The following KCNJ6 variants were observed in gnomAD, a reference collection of about 807,000 sequenced individuals.
The protein encoded by KCNJ6 is potassium inwardly rectifying channel subfamily J member 6, also known as G protein-activated inward rectifier potassium channel 2.
KCNJ6 carries 9 observed loss-of-function variants against 34.2 expected under a neutral mutation model. The ratio of observed to expected loss-of-function variants is 0.26; its 90% CI spans 0.16 to 0.46. The LOEUF is 0.46. KCNJ6 is among the 20% of genes least tolerant of loss of function. KCNJ6 has a pLI of 1.00. For missense variants in KCNJ6, 236 were observed against 531.3 expected (o/e 0.44, Z 5.46); for synonymous variants, 196 against 207.1 (o/e 0.95, Z 0.46).
At chr21:37,655,231 GAGAGA>G (rs2054456733) in intron 3 of KCNJ6, among the ~76,000 whole-genome samples, 1 of 1,766 alleles carries the variant, frequency 5.7e-4, no homozygotes, top group African/African-American at 3.2e-3. Context: ...GTGTGAGAGA[GAGAGA>G]GAGAGAGAGA....
chr21:37,680,686 T>TTTGGAC (rs538837306), intron 3 of KCNJ6, among the ~76,000 whole-genome samples: 3 of 152,158 alleles, frequency 2.0e-5, no homozygotes, highest in African/African-American at 7.2e-5. Flanking sequence ...TTCTCTTCCT[T>TTTGGAC]TTGGACTTGG....
intron 2 of KCNJ6, among the ~76,000 whole-genome samples, chr21:37,744,296 AAAACTT>A (rs1490680185): frequency 1.3e-5 from 2 of 152,154 alleles, no homozygotes; most frequent in African/African-American, 2.4e-5. Context: ...CATGTACCCT[AAAACTT>A]AAAGTATAAT....
At chr21:37,729,940 A>G (rs2054875779) in intron 2 of KCNJ6, among the ~76,000 whole-genome samples, 1 of 152,160 alleles carries the variant, frequency 6.6e-6, no homozygotes, top group Admixed American at 6.5e-5. Flanking sequence ...GAACACATGA[A>G]GAAAGTGAGG....
At chr21:37,659,784 C>T (rs1389392973) in intron 3 of KCNJ6, among the ~76,000 whole-genome samples, 1 of 152,214 alleles carries the variant, frequency 6.6e-6, no homozygotes, top group Non-Finnish European at 1.5e-5. Context: ...CTTCAGGATT[C>T]AACCTTGTCC....
intron 1 of KCNJ6, among the ~76,000 whole-genome samples, chr21:37,882,127 C>A (rs1445360174): frequency 6.6e-6 from 1 of 152,220 alleles, no homozygotes; most frequent in Non-Finnish European, 1.5e-5. Context: ...CCCTCCACTT[C>A]TACAGTTTTA....
At chr21:37,781,569 T>C (rs894584904) in intron 2 of KCNJ6, among the ~76,000 whole-genome samples, 18 of 152,164 alleles carry the variant, frequency 1.2e-4, no homozygotes, top group African/African-American at 4.1e-4. Flanking sequence ...AACATGATGA[T>C]AGCAACATGC....
chr21:37,868,802 G>A (rs760671392), intron 1 of KCNJ6, among the ~76,000 whole-genome samples: 2 of 152,216 alleles, frequency 1.3e-5, no homozygotes, highest in African/African-American at 2.4e-5. Context: ...GGGGTTGGGT[G>A]GAGAGGGGAG....
intron 1 of KCNJ6, among the ~76,000 whole-genome samples, chr21:37,876,551 T>C (rs1467271886): frequency 6.6e-6 from 1 of 152,074 alleles, no homozygotes. Flanking sequence ...CCCAAAATAA[T>C]GATATCAGTG....
chr21:37,680,397 G>A (rs1053887009), intron 3 of KCNJ6, among the ~76,000 whole-genome samples: 2 of 152,192 alleles, frequency 1.3e-5, no homozygotes, highest in Non-Finnish European at 2.9e-5. Flanking sequence ...ACGAACTCTC[G>A]GCTGCACGTG....
chr21:37,753,146 C>A (rs1038071695), intron 2 of KCNJ6, among the ~76,000 whole-genome samples: 1 of 152,180 alleles, frequency 6.6e-6, no homozygotes, highest in Non-Finnish European at 1.5e-5. Flanking sequence ...CAAATGCCTG[C>A]AGCGTGTGCA....
chr21:37,685,495 C>T (rs949650538), intron 3 of KCNJ6, among the ~76,000 whole-genome samples: 7 of 99,696 alleles, frequency 7.0e-5, no homozygotes, highest in African/African-American at 2.4e-4. Flanking sequence ...TCCTGGCTAA[C>T]ATGGTGAAAC....
At chr21:37,646,828 G>A (rs1249590725) in intron 3 of KCNJ6, among the ~76,000 whole-genome samples, 1 of 151,980 alleles carries the variant, frequency 6.6e-6, no homozygotes, top group Non-Finnish European at 1.5e-5. Flanking sequence ...CTGCCACCAC[G>A]CCCGGCTAAT....
chr21:37,679,557 A>G (rs724492), intron 3 of KCNJ6, among the ~76,000 whole-genome samples: 134,565 of 152,258 alleles, frequency 0.88, 60,228 homozygotes, highest in Non-Finnish European at 0.95. Context: ...TGATAATTGC[A>G]TGATCTCAGG....
At chr21:37,655,371 A>T (rs1417120064) in intron 3 of KCNJ6, among the ~76,000 whole-genome samples, 1 of 152,078 alleles carries the variant, frequency 6.6e-6, no homozygotes, top group African/African-American at 2.4e-5. Flanking sequence ...TTACTTTTGG[A>T]GTAATTGTAT....
At chr21:37,896,008 C>G (rs555667466) in intron 1 of KCNJ6, among the ~76,000 whole-genome samples, 1 of 152,148 alleles carries the variant, frequency 6.6e-6, no homozygotes, top group African/African-American at 2.4e-5. Context: ...AAGGGGCTCA[C>G]GGTTCTGCAG....
chr21:37,848,591 G>A (rs1028252867), intron 1 of KCNJ6, among the ~76,000 whole-genome samples: 5 of 152,180 alleles, frequency 3.3e-5, no homozygotes, highest in African/African-American at 1.2e-4. Context: ...ACCAGACCAG[G>A]GAGGGTCCTA....
intron 3 of KCNJ6, among the ~76,000 whole-genome samples, chr21:37,631,190 T>C (rs545278521): frequency 2.0e-5 from 3 of 152,180 alleles, no homozygotes; most frequent in Non-Finnish European, 4.4e-5. Flanking sequence ...CAAGTACTTA[T>C]GGTTAAGTGA....
rs115767237 is a variant in KCNJ6 at position 37,650,860 on chromosome 21, G to A, written c.947-25376C>T. Among the ~76,000 whole-genome samples, 198 of 152,236 alleles carry A rather than the reference G, an allele frequency of 1.3e-3. 1 individual carries two copies. The highest frequency in any genetic ancestry group is 4.4e-3 in the African/African-American group (182 of 41,532). ...TCTCCTAATCAGATAATCTCAATGA[G>A]ATTTGTATCTCTTGTATACCATAAG... On this transcript the variant is annotated intron_variant, in intron 3 of 3. Transcript: ENST00000609713.
At chr21:37,785,224 G>A (rs2055187280) in intron 2 of KCNJ6, among the ~76,000 whole-genome samples, 1 of 152,136 alleles carries the variant, frequency 6.6e-6, no homozygotes, top group African/African-American at 2.4e-5. Context: ...GAGGCTTCAG[G>A]TTATCACTGT....
Sources: gnomAD v4.1 joint callset for allele counts (sites outside exome capture counted in the v4.1 genomes callset) on GRCh38, gnomAD v4.1.1 for gene constraint, MANE v1.5 for transcripts, NCBI Gene and HGNC (gene_info 2026-07-23, HGNC 2026-07-21) for gene names.